Variants in ZNF385C observed in about 807,000 individuals in gnomAD.
ZNF385C encodes zinc finger protein 385C.
In ZNF385C, 28 loss-of-function variants were observed where a neutral mutation model predicts 35.4. That is an observed-to-expected ratio of 0.79 (90% CI 0.59 to 1.08). ZNF385C has a LOEUF of 1.08. Among genes scored for constraint, ZNF385C ranks in the 50% least tolerant of loss-of-function variants. The probability of loss-of-function intolerance (pLI) is 0.00; values close to 1 mark genes in which losing one functional copy is unlikely to be tolerated. For missense variants in ZNF385C, 605 were observed against 595.6 expected, an observed-to-expected ratio of 1.02 and a Z score of -0.16; for synonymous variants, 248 against 248.2, an observed-to-expected ratio of 1.00 and a Z score of 0.01.
intron 1 of ZNF385C, among the ~76,000 whole-genome samples, chr17:42,082,586 A>T (rs1555659809): frequency 1.3e-5 from 2 of 152,200 alleles, no homozygotes; most frequent in East Asian, 3.9e-4. Context: ...ACAGTGTACA[A>T]TTATGTTTCC....
chr17:42,057,975 G>GGGCA (rs1224370501), intron 2 of ZNF385C, among the ~76,000 whole-genome samples: 1 of 152,014 alleles, frequency 6.6e-6, no homozygotes, highest in Non-Finnish European at 1.5e-5. Context: ...AGGGCTTCCT[G>GGGCA]GGCAGGAGAC....
Position 42,037,272 on chromosome 17 carries a change from C to T in ZNF385C, c.399+465G>A, listed in dbSNP as rs1270557795. 2.6e-5 allele frequency among the ~76,000 whole-genome samples: 4 copies of T among 152,144 alleles called. No homozygotes were observed. In the East Asian group the frequency reaches 7.7e-4, roughly 29 times the overall value. On this transcript the variant is annotated intron_variant, in intron 3 of 8. Coordinates refer to ENST00000692273, the MANE Select transcript of ZNF385C (RefSeq NM_001392013.1). ...CATACCTTAATTACATAAAATTACCCATGCACAAAGAGTTGTTTACAAACA... is the reference window on the plus strand; with the variant it reads ...CATACCTTAATTACATAAAATTACCTATGCACAAAGAGTTGTTTACAAACA...
chr17:42,042,987 A>C (rs2053061246), intron 2 of ZNF385C: 8 of 1,232,368 alleles, frequency 6.5e-6, no homozygotes, highest in Middle Eastern at 3.1e-4. Flanking sequence ...TAGTCAGCAC[A>C]GCCACTTTGG....
chr17:42,083,782 G>A (rs1345771843), intron 1 of ZNF385C, among the ~76,000 whole-genome samples: 11 of 126,270 alleles, frequency 8.7e-5, no homozygotes, highest in East Asian at 2.4e-4. Flanking sequence ...GCAATGGTGC[G>A]ATCTCAGATC....
intron 1 of ZNF385C, among the ~76,000 whole-genome samples, chr17:42,076,547 G>C (rs958786531): frequency 1.3e-5 from 2 of 152,094 alleles, no homozygotes; most frequent in Admixed American, 6.6e-5. Flanking sequence ...GTGTGAACCC[G>C]GGGGGCGGAG....
At chr17:42,032,789 T>C (rs1261168246) in intron 4 of ZNF385C, among the ~76,000 whole-genome samples, 1 of 151,722 alleles carries the variant, frequency 6.6e-6, no homozygotes, top group Non-Finnish European at 1.5e-5. Flanking sequence ...CTAGGCTCAC[T>C]GTAACCTCTG....
At chr17:42,028,285 G>C (rs782555788) in intron 6 of ZNF385C, 39 bp from the exon 7 acceptor site, 1 of 1,505,836 alleles carries the variant, frequency 6.6e-7, no homozygotes, top group South Asian at 1.3e-5. Flanking sequence ...CAGCAGGAAG[G>C]GGTTGCAGGG....
chr17:42,056,817 C>G (rs2053383206), intron 2 of ZNF385C, among the ~76,000 whole-genome samples: 1 of 152,106 alleles, frequency 6.6e-6, no homozygotes, highest in Non-Finnish European at 1.5e-5. Context: ...GTGAGACGTG[C>G]CTTTCACCTT....
At chr17:42,033,883 AC>A (rs1358362711) in intron 4 of ZNF385C, among the ~76,000 whole-genome samples, 1 of 152,122 alleles carries the variant, frequency 6.6e-6, no homozygotes, top group Non-Finnish European at 1.5e-5. Flanking sequence ...TCAGCTCCAG[AC>A]CAGGAGCTGA....
intron 3 of ZNF385C, 137 bp downstream of exon 3, chr17:42,037,599 CA>C: frequency 9.3e-7 from 1 of 1,073,106 alleles, no homozygotes; most frequent in Non-Finnish European, 1.3e-6. Flanking sequence ...ATTTGGGGAG[CA>C]CCTATCCCCT....
rs1364357239 is a variant in ZNF385C, at chr17:42,095,980, A to G, written c.-3+2430T>C. On this transcript the variant is annotated intron_variant, in intron 1 of 8. Coordinates refer to ENST00000692273, the MANE Select transcript of ZNF385C (RefSeq NM_001392013.1). This position sits in a 1 kb window ranked among gnomAD's most constrained non-coding sequence, Gnocchi z 4.4. ...GTTCTAACCTCTCACCCTGACAAAT[A>G]CACCTTCATTAACAACCTGGAGGAC... 5.3e-5 allele frequency among the ~76,000 whole-genome samples: 8 copies of G among 152,208 alleles called. No individual in the cohort carries two copies. Among genetic ancestry groups the G allele is most frequent in the African/African-American group, 1.4e-4 (6 of 41,450 alleles).
In ZNF385C at chr17:42,050,716, T is replaced by C. The variant is rs1468238718; in HGVS notation, c.250+12091A>G. ...GCAGGGCGGGCGGCGCCCCCGGGGC[T>C]CACCTGGCCGCGCCCACCTGCGGCG... On this transcript the variant is annotated intron_variant, in intron 2 of 8. Transcript: ENST00000692273. This position sits in a 1 kb window ranked among gnomAD's most constrained non-coding sequence, Gnocchi z 5.6. 3 of 149,972 alleles carry C rather than the reference T, an allele frequency of 2.0e-5. No homozygotes were observed. Among genetic ancestry groups the C allele is most frequent in the Non-Finnish European group, 1.5e-5 (1 of 67,338 alleles). 9.3% of individuals were successfully genotyped at this position (149,972 alleles called of 1,614,324 possible).
chr17:42,051,164 A>T (rs2053276050), intron 2 of ZNF385C, among the ~76,000 whole-genome samples: 1 of 151,652 alleles, frequency 6.6e-6, no homozygotes, highest in Admixed American at 6.6e-5. Flanking sequence ...GCAGTGCCTG[A>T]TGCTGGATGG....
chr17:42,076,287 C>T (rs1567995173), intron 1 of ZNF385C, among the ~76,000 whole-genome samples: 2 of 152,202 alleles, frequency 1.3e-5, no homozygotes, highest in Non-Finnish European at 2.9e-5. Context: ...CCTACTAACC[C>T]TGAAAGTTTG....
rs575777589 is a variant in ZNF385C at position 42,079,065 on chromosome 17, C to T, written c.-2-16007G>A. Among the ~76,000 whole-genome samples, 5 of 151,508 alleles carry T rather than the reference C, an allele frequency of 3.3e-5. No homozygotes were observed. In the South Asian group the frequency reaches 1.0e-3, roughly 32 times the overall value. On this transcript the variant is annotated intron_variant, in intron 1 of 8. Coordinates refer to ENST00000692273, the MANE Select transcript of ZNF385C (RefSeq NM_001392013.1). ...AAATAAGATAACAGAATATACTAGC[C>T]CGGCACGGTGGCTCATGCCTGTAAT...
chr17:42,036,202 T>A (rs2052852785), intron 3 of ZNF385C, among the ~76,000 whole-genome samples: 1 of 152,060 alleles, frequency 6.6e-6, no homozygotes, highest in South Asian at 2.1e-4. Flanking sequence ...ACCATCTCTG[T>A]TGGCCAGGCT....
chr17:42,055,716 T>A (rs1555657512), intron 2 of ZNF385C, among the ~76,000 whole-genome samples: 1 of 152,002 alleles, frequency 6.6e-6, no homozygotes, highest in African/African-American at 2.4e-5. Context: ...AATTAATCCA[T>A]CTGCAGGGAG....
Position 42,085,418 on chromosome 17 carries a change from GC to G in ZNF385C, c.-3+12991del, listed in dbSNP as rs577632216. ...TGAGCAGCTGGGACTACAAGTGTGC[GC>G]CACCACGTCCGGCTAATTTTTTTCT... On this transcript the variant is annotated intron_variant, in intron 1 of 8. Coordinates refer to ENST00000692273, the MANE Select transcript of ZNF385C (RefSeq NM_001392013.1). Among the ~76,000 whole-genome samples the G allele has an allele frequency of 6.3e-3, 946 of 151,306 alleles. 12 individuals carry two copies. Among genetic ancestry groups the G allele is most frequent in the African/African-American group, 0.022 (905 of 41,170 alleles).
At chr17:42,082,022 T>A (rs1220915377) in intron 1 of ZNF385C, among the ~76,000 whole-genome samples, 2 of 152,176 alleles carry the variant, frequency 1.3e-5, no homozygotes, top group African/African-American at 4.8e-5. Flanking sequence ...CCATGAGCAC[T>A]GTCCCACTGC....
Sources: allele counts gnomAD v4.1 joint callset (sites outside exome capture counted in the v4.1 genomes callset), GRCh38; gene constraint gnomAD v4.1.1; non-coding constraint Gnocchi (gnomAD v3.1); transcripts MANE v1.5; gene names NCBI Gene and HGNC (gene_info 2026-07-23, HGNC 2026-07-21).